EBF2: variants seen among roughly 807,000 people sequenced by gnomAD.
EBF2 encodes the protein EBF transcription factor 2, also known as transcription factor COE2.
A neutral mutation model predicts 72.8 loss-of-function variants in EBF2; 21 were observed. That is an observed-to-expected ratio of 0.29 (90% confidence interval 0.20 to 0.42). The LOEUF is 0.42. EBF2 is among the 10% of genes least tolerant of loss of function. The pLI, the probability that EBF2 is intolerant of heterozygous loss-of-function variation, is 1.00. For synonymous variants in EBF2, 299 were observed against 274.2 expected, an observed-to-expected ratio of 1.09 and a Z score of -0.89; for missense variants, 637 against 731.2, an observed-to-expected ratio of 0.87 and a Z score of 1.49.
intron 6 of EBF2, among the ~76,000 whole-genome samples, chr8:25,996,932 T>A (rs971859968): frequency 2.6e-5 from 4 of 152,202 alleles, no homozygotes; most frequent in African/African-American, 9.6e-5. Flanking sequence ...TATAAAAATG[T>A]TGACTAAATC....
chr8:26,001,833 G>C (rs549206743), intron 6 of EBF2, among the ~76,000 whole-genome samples: 2 of 152,214 alleles, frequency 1.3e-5, no homozygotes, highest in East Asian at 3.9e-4. Context: ...ACAGGTGTGA[G>C]CCACCACACC....
chr8:25,903,811 A>C (rs1468090747), intron 7 of EBF2, among the ~76,000 whole-genome samples: 1 of 152,212 alleles, frequency 6.6e-6, no homozygotes, highest in Non-Finnish European at 1.5e-5. Flanking sequence ...ACACTTTGAC[A>C]ATGAAAGAGG....
At chr8:26,016,843 C>T (rs761050143) in intron 6 of EBF2, among the ~76,000 whole-genome samples, 17 of 152,274 alleles carry the variant, frequency 1.1e-4, no homozygotes, top group Non-Finnish European at 8.8e-5. Context: ...AAGGTCATCA[C>T]TTTTGAAGGT....
chr8:25,877,100 C>T (rs991158052), intron 10 of EBF2, among the ~76,000 whole-genome samples: 11 of 152,204 alleles, frequency 7.2e-5, no homozygotes, highest in African/African-American at 2.7e-4. Context: ...GCCCTGGATT[C>T]TGTGGTTGGT....
intron 6 of EBF2, among the ~76,000 whole-genome samples, chr8:25,951,526 T>C (rs1803861967): frequency 6.6e-6 from 1 of 152,202 alleles, no homozygotes. Context: ...CAAATAATTT[T>C]TAAATACTTT....
chr8:26,010,988 T>TACACACAC (rs36211488), intron 6 of EBF2, among the ~76,000 whole-genome samples: 2,061 of 150,856 alleles, frequency 0.014, 14 homozygotes, highest in African/African-American at 0.025. Context: ...TATGTGTGCA[T>TACACACAC]ACACACACAC....
Position 25,907,683 on chromosome 8 carries a change from A to G in EBF2, c.633+791T>C, listed in dbSNP as rs143896420. Among the ~76,000 whole-genome samples, 648 of 152,162 alleles carry G rather than the reference A, an allele frequency of 4.3e-3. 4 individuals carry two copies. Among genetic ancestry groups the G allele is most frequent in the Middle Eastern group, 0.027 (8 of 294 alleles). The stretch of plus-strand genomic sequence containing the variant: ...GGTTCCCCATCTCTCTCATGGCTGC[A>G]AGGATTTACTTTTTGAAGTCTCAAG... On this transcript the variant is annotated intron_variant, in intron 7 of 15. Transcript: ENST00000520164.
At chr8:25,877,988 G>C (rs1802550994) in intron 10 of EBF2, among the ~76,000 whole-genome samples, 1 of 152,144 alleles carries the variant, frequency 6.6e-6, no homozygotes, top group Admixed American at 6.5e-5. Context: ...AGCCAAATTA[G>C]GGAAACACCT....
chr8:25,988,262 C>T lies in EBF2; in HGVS notation c.551+44823G>A, dbSNP rs143013870. Among the ~76,000 whole-genome samples, 3 of 152,316 alleles carry T rather than the reference C, an allele frequency of 2.0e-5. No individual in the cohort carries two copies. In the East Asian group the frequency reaches 5.8e-4, roughly 29 times the overall value. On this transcript the variant is annotated intron_variant, in intron 6 of 15. Coordinates refer to ENST00000520164, the MANE Select transcript of EBF2 (RefSeq NM_022659.4). ...CCACACTGAGCCAGAGACAAGCAGA[C>T]AAGCTTTGATCTTCCCAAGGCTCCA...
chr8:25,850,614 C>T lies in EBF2; in HGVS notation c.1676G>A (p.Gly559Asp). Residue 559 changes from glycine (G) to aspartate (D), a missense_variant, in exon 15 of 16, where the codon GGC (glycine) becomes GAC (aspartate). Physicochemically the swap from Gly to Asp is moderately conservative, Grantham distance 94 (BLOSUM62 -1). Around this residue, in one of 3 missense-constraint regions of EBF2, gnomAD observed 259 missense variants for 268.1 expected, o/e 0.97. Transcript: ENST00000520164. ...CTTACCTCTGAATCCATTTCCATTG[C>T]CGCTGGAGCAGGCAGGTGAAGGGGA... ...QGSPSPACSS[G>D]NGNGFRAMTG... 2 of 1,563,198 alleles carry T rather than the reference C, an allele frequency of 1.3e-6. No homozygotes were observed. Among genetic ancestry groups the T allele is most frequent in the Non-Finnish European group, 1.7e-6 (2 of 1,162,650 alleles).
chr8:25,917,971 G>A (rs1372482721), intron 6 of EBF2, among the ~76,000 whole-genome samples: 1 of 152,178 alleles, frequency 6.6e-6, no homozygotes, highest in Non-Finnish European at 1.5e-5. Context: ...AATTGAAATG[G>A]AGTGCAAATG....
At chr8:25,880,401 G>A (rs553265684) in intron 10 of EBF2, among the ~76,000 whole-genome samples, 32 of 152,252 alleles carry the variant, frequency 2.1e-4, no homozygotes, top group Middle Eastern at 3.4e-3. Context: ...TTTGAATACA[G>A]TTTAGTTTAT....
In EBF2 at chr8:25,971,782, G is replaced by A. The variant is rs532045839; in HGVS notation, c.551+61303C>T. On this transcript the variant is annotated intron_variant, in intron 6 of 15. Coordinates refer to ENST00000520164, the MANE Select transcript of EBF2 (RefSeq NM_022659.4). The stretch of plus-strand genomic sequence containing the variant: ...TGCTGTATTATTTATGGTTTTCTGA[G>A]TCACTGGCTATAGCCTGCATCTGGA... Among the ~76,000 whole-genome samples the A allele has an allele frequency of 3.3e-5, 5 of 152,080 alleles. No individual in the cohort carries two copies. The South Asian group carries it at 1.0e-3, about 32-fold the overall frequency.
chr8:25,878,983 T>C (rs1396287022), intron 10 of EBF2, among the ~76,000 whole-genome samples: 1 of 152,178 alleles, frequency 6.6e-6, no homozygotes, highest in Non-Finnish European at 1.5e-5. Context: ...TATTGTGCCA[T>C]ACTTTATTCT....
intron 6 of EBF2, among the ~76,000 whole-genome samples, chr8:25,968,251 G>A (rs1038923053): frequency 1.4e-4 from 21 of 152,120 alleles, no homozygotes; most frequent in African/African-American, 2.6e-4. Context: ...AAAGCAGTGC[G>A]ATTCACCATT....
intron 6 of EBF2, among the ~76,000 whole-genome samples, chr8:25,956,310 C>A (rs1195451425): frequency 6.6e-6 from 1 of 151,932 alleles, no homozygotes; most frequent in Non-Finnish European, 1.5e-5. Flanking sequence ...CCCAGCTACT[C>A]TGGAGAATCC....
intron 6 of EBF2, among the ~76,000 whole-genome samples, chr8:25,919,814 C>T (rs1803279434): frequency 6.6e-6 from 1 of 152,158 alleles, no homozygotes; most frequent in South Asian, 2.1e-4. Flanking sequence ...GGAAGGAGAA[C>T]CCAGCAACCT....
At chr8:25,861,416 C>G in intron 11 of EBF2, 42 bp from the exon 12 acceptor site, 12 of 1,606,908 alleles carry the variant, frequency 7.5e-6, no homozygotes, top group Non-Finnish European at 1.0e-5. Context: ...AAGGCAAAAT[C>G]CAAGATGGCA....
At chr8:25,928,634 ATTAAGT>A (rs990335808) in intron 6 of EBF2, among the ~76,000 whole-genome samples, 2 of 152,218 alleles carry the variant, frequency 1.3e-5, no homozygotes, top group African/African-American at 4.8e-5. Context: ...AATATGAGTT[ATTAAGT>A]TTAACTTTTT....
Sources: gnomAD v4.1 joint callset for allele counts (sites outside exome capture counted in the v4.1 genomes callset) on GRCh38, gnomAD v4.1.1 for gene constraint, gnomAD v4.1.1 regional missense constraint, MANE v1.5 for transcripts, NCBI Gene and HGNC (gene_info 2026-07-23, HGNC 2026-07-21) for gene names.